GLRX3: variants seen among roughly 807,000 people sequenced by gnomAD.
The protein encoded by GLRX3 is glutaredoxin-3.
Under a neutral mutation model 49.5 loss-of-function variants are expected in GLRX3, and 22 were observed. The observed-to-expected ratio is 0.44, with a 90% CI of 0.32 to 0.63. The LOEUF (loss-of-function observed/expected upper bound fraction) is 0.63. GLRX3 is among the 30% of genes least tolerant of loss of function. GLRX3 has a pLI of 0.05. For synonymous variants in GLRX3, 133 were observed against 140.0 expected, an observed-to-expected ratio of 0.95 and a Z score of 0.35; for missense variants, 385 against 396.3, an observed-to-expected ratio of 0.97 and a Z score of 0.24.
At chr10:130,156,823 A>C (rs974818531) in intron 2 of GLRX3, among the ~76,000 whole-genome samples, 3 of 152,208 alleles carry the variant, frequency 2.0e-5, no homozygotes, top group African/African-American at 4.8e-5. Flanking sequence ...TATAGGAAGC[A>C]AGTGGTTCCC....
chr10:130,147,489 G>A (rs1363812092), intron 2 of GLRX3, among the ~76,000 whole-genome samples: 2 of 152,132 alleles, frequency 1.3e-5, no homozygotes, highest in African/African-American at 4.8e-5. Flanking sequence ...AGCCCTCAGC[G>A]ATTTTGGGTT....
At chr10:130,138,094 G>C (rs1862100473) in intron 1 of GLRX3, among the ~76,000 whole-genome samples, 1 of 152,028 alleles carries the variant, frequency 6.6e-6, no homozygotes, top group African/African-American at 2.4e-5. Flanking sequence ...CTGTTGCTCT[G>C]TTGCCCAGGC....
intron 2 of GLRX3, among the ~76,000 whole-genome samples, chr10:130,155,099 A>G (rs1862449196): frequency 6.6e-6 from 1 of 152,140 alleles, no homozygotes. Flanking sequence ...GGCCTCCCAA[A>G]GTGCTGGGAT....
intron 2 of GLRX3, among the ~76,000 whole-genome samples, chr10:130,154,940 T>A (rs751636812): frequency 2.6e-5 from 4 of 152,106 alleles, no homozygotes; most frequent in Non-Finnish European, 5.9e-5. Context: ...TTATTTAGAT[T>A]GGGCTGGAAG....
Position 130,145,287 on chromosome 10 carries a change from G to C in GLRX3, c.169G>C (p.Ala57Pro). The C allele has an allele frequency of 6.5e-7, 1 of 1,529,660 alleles. No individual in the cohort carries two copies. Among genetic ancestry groups the C allele is most frequent in the East Asian group, 2.2e-5 (1 of 44,476 alleles). 94.8% of individuals were successfully genotyped at this position (1,529,660 alleles called of 1,614,324 possible). A position where few individuals can be genotyped will look rare whatever the true frequency, so the allele number is the denominator to read the frequency against. The change falls in exon 2 of 11, where the codon GCT becomes CCT. Residue 57 changes from alanine to proline, a missense_variant. Ala to Pro is a conservative substitution (Grantham distance 27). Around this residue, in one of 2 missense-constraint regions of GLRX3, gnomAD observed 374 missense variants for 358.6 expected, o/e 1.04. Transcript: ENST00000331244. Reference protein sequence around the residue: ...AQMNEVMAELAKELPQVSFVK... With the variant: ...AQMNEVMAELPKELPQVSFVK... ...GATGAACGAAGTTATGGCAGAGTTAGCTAAAGAACTCCCTCAAGTTTCATT... is the reference window on the plus strand; with the variant it reads ...GATGAACGAAGTTATGGCAGAGTTACCTAAAGAACTCCCTCAAGTTTCATT...
At chr10:130,166,867 A>T (rs576119657) in intron 5 of GLRX3, 52 bp from the exon 6 acceptor site, 3 of 1,181,732 alleles carry the variant, frequency 2.5e-6, no homozygotes, top group Non-Finnish European at 2.5e-6. Context: ...GATCAAGGAG[A>T]TTTATGTTAT....
At chr10:130,166,753 C>A in intron 5 of GLRX3, 74 bp downstream of exon 5, 1 of 1,131,320 alleles carries the variant, frequency 8.8e-7, no homozygotes, top group Non-Finnish European at 1.3e-6. Context: ...TGTGATAAAT[C>A]TAAGATACAA....
In GLRX3 at chr10:130,177,884, A is replaced by G. The variant is rs537573140; in HGVS notation, c.958-1458A>G. ...TTATGCTGTTCAGTGATAACCTGAAATGTTATATCATACTAAATGTTTCTT... is the reference window on the plus strand; with the variant it reads ...TTATGCTGTTCAGTGATAACCTGAAGTGTTATATCATACTAAATGTTTCTT... On this transcript the variant is annotated intron_variant, in intron 10 of 10. Coordinates refer to ENST00000331244, the MANE Select transcript of GLRX3 (RefSeq NM_006541.5). 3.3e-5 allele frequency among the ~76,000 whole-genome samples: 5 copies of G among 152,324 alleles called. No homozygotes were observed. The South Asian group carries it at 1.0e-3, about 32-fold the overall frequency.
Position 130,167,078 on chromosome 10 carries a change from A to G in GLRX3, c.713+98A>G, listed in dbSNP as rs1862706286. On this transcript the variant is annotated intron_variant, in intron 6 of 10. Transcript: ENST00000331244. ...GCATTGCTCTTTCTGTGTAGAAATC[A>G]AGGATTTGGTATGCCAGACGTCATA... 6 of 612,526 alleles carry G rather than the reference A, an allele frequency of 9.8e-6. 1 individual carries two copies. The South Asian group carries it at 1.6e-4, about 17-fold the overall frequency. The allele number at this position is 612,526 out of a possible 1,614,324, so 37.9% of individuals were successfully genotyped here.
At chr10:130,144,511 G>C (rs752738752) in intron 1 of GLRX3, among the ~76,000 whole-genome samples, 1 of 150,026 alleles carries the variant, frequency 6.7e-6, no homozygotes, top group East Asian at 2.0e-4. Flanking sequence ...CCCTGTGTCC[G>C]TGTGGTTTCA....
At chr10:130,161,084 G>C in intron 4 of GLRX3, 87 bp downstream of exon 4, 1 of 856,182 alleles carries the variant, frequency 1.2e-6, no homozygotes, top group South Asian at 1.4e-5. Flanking sequence ...TGTTTCCAAG[G>C]ATGCTATACC....
At chr10:130,149,934 TA>T (rs59275416) in intron 2 of GLRX3, among the ~76,000 whole-genome samples, 103,661 of 132,154 alleles carry the variant, frequency 0.78, 40,420 homozygotes, top group Middle Eastern at 0.85. Flanking sequence ...TTTTCATTAG[TA>T]AAAAAAAAAA....
At chr10:130,156,531 A>AAGGATTAAGTGAGTCTATACGTGTG (rs71902407) in intron 2 of GLRX3, among the ~76,000 whole-genome samples, 1 of 151,874 alleles carries the variant, frequency 6.6e-6, no homozygotes, top group Non-Finnish European at 1.5e-5. Flanking sequence ...CTGTTGTTGT[A>AAGGATTAAGTGAGTCTATACGTGTG]AGGATTAAGT....
chr10:130,166,487 A>C lies in GLRX3; in HGVS notation c.479-20A>C. 1 of 1,597,092 alleles carries C rather than the reference A, an allele frequency of 6.3e-7. No individual in the cohort carries two copies. Among genetic ancestry groups the C allele is most frequent in the East Asian group, 2.2e-5 (1 of 44,752 alleles). ...TTGGGAGAGAGAAGTTAAGTGCTTTATTTCTTTTTTTGTGTACAGGTTTCA... is the reference window on the plus strand; with the variant it reads ...TTGGGAGAGAGAAGTTAAGTGCTTTCTTTCTTTTTTTGTGTACAGGTTTCA... On this transcript the variant is annotated intron_variant, in intron 4 of 10. Transcript: ENST00000331244.
intron 2 of GLRX3, among the ~76,000 whole-genome samples, chr10:130,151,677 C>A (rs950062202): frequency 3.3e-5 from 5 of 152,160 alleles, no homozygotes; most frequent in Non-Finnish European, 4.4e-5. Context: ...CAGCTTCATC[C>A]ATGTCCCTGT....
intron 8 of GLRX3, 96 bp downstream of exon 8, chr10:130,171,732 A>G (rs1341602754): frequency 3.8e-6 from 3 of 786,130 alleles, no homozygotes; most frequent in Admixed American, 1.9e-5. Context: ...TTGGGAGGCT[A>G]AGACAGGAAT....
chr10:130,136,470 G>A lies in GLRX3; in HGVS notation c.50G>A (p.Gly17Asp), dbSNP rs1337315592. 1 of 1,265,180 alleles carries A rather than the reference G, an allele frequency of 7.9e-7. No individual in the cohort carries two copies. The highest frequency in any genetic ancestry group is 1.0e-6 in the Non-Finnish European group (1 of 999,370). 78.4% of individuals were successfully genotyped at this position (1,265,180 alleles called of 1,614,324 possible). A position where few individuals can be genotyped will look rare whatever the true frequency, so the allele number is the denominator to read the frequency against. The change falls in exon 1 of 11, where the codon GGC becomes GAC. Residue 17 changes from glycine (G) to aspartate (D), a missense_variant. Around this residue, in one of 2 missense-constraint regions of GLRX3, gnomAD observed 374 missense variants for 358.6 expected, o/e 1.04. Transcript: ENST00000331244. ...EAAVAAVEEV[G>D]SAGQFEELLR... is the part of the protein sequence containing the mutation. ...GCTGTAGCGGCCGTGGAGGAGGTCG[G>A]CTCAGCCGGGCAGTTTGAGGAGCTG...
chr10:130,156,926 T>C (rs1475005599), intron 2 of GLRX3, among the ~76,000 whole-genome samples: 1 of 152,254 alleles, frequency 6.6e-6, no homozygotes, highest in East Asian at 1.9e-4. Flanking sequence ...CATGTAATCT[T>C]TATTTTTGAT....
chr10:130,175,259 C>G (rs1862894487), intron 10 of GLRX3, among the ~76,000 whole-genome samples, 170 bp downstream of exon 10: 1 of 152,238 alleles, frequency 6.6e-6, no homozygotes, highest in Admixed American at 6.5e-5. Flanking sequence ...ACTACCCTGC[C>G]ATTCTCACTG....
Sources: gnomAD v4.1 joint callset for allele counts (sites outside exome capture counted in the v4.1 genomes callset) on GRCh38, gnomAD v4.1.1 for gene constraint, gnomAD v4.1.1 regional missense constraint, MANE v1.5 for transcripts, NCBI Gene and HGNC (gene_info 2026-07-23, HGNC 2026-07-21) for gene names.